Variants in PCDHA8 observed in about 807,000 individuals in gnomAD.
The protein encoded by PCDHA8 is protocadherin alpha-8.
Under a neutral mutation model 61.8 loss-of-function variants are expected in PCDHA8, and 53 were observed. The observed-to-expected ratio is 0.86, with a 90% CI of 0.69 to 1.08. The LOEUF is 1.08. Among genes scored for constraint, PCDHA8 ranks in the 50% least tolerant of loss-of-function variants. PCDHA8 has a pLI of 0.00. For missense variants in PCDHA8, 1,293 were observed against 1,245.0 expected, an observed-to-expected ratio of 1.04 and a Z score of -0.58; for synonymous variants, 618 against 556.6, an observed-to-expected ratio of 1.11 and a Z score of -1.55.
At position 141,011,939 on chromosome 5, in the gene PCDHA8, A is replaced by T. The variant is rs955936849; in HGVS notation, c.*2002A>T. 5 of 153,690 alleles carry T rather than the reference A, an allele frequency of 3.3e-5. No individual in the cohort carries two copies. The highest frequency in any genetic ancestry group is 1.2e-4 in the African/African-American group (5 of 41,448). The allele number at this position is 153,690 out of a possible 1,614,324, so 9.5% of individuals were successfully genotyped here. A position where few individuals can be genotyped will look rare whatever the true frequency, so the allele number is the denominator to read the frequency against. On this transcript the variant is annotated 3_prime_UTR_variant, in exon 4 of 4. Coordinates refer to ENST00000531613, the MANE Select transcript of PCDHA8 (RefSeq NM_018911.3). ...TAAAAGAGGTAGGAGTCTGTTATTT[A>T]AAAAAAGCATTAAATTTAAAAAAAA...
intron 1 of PCDHA8, among the ~76,000 whole-genome samples, chr5:140,891,388 C>A (rs2063075244): frequency 6.6e-6 from 1 of 151,946 alleles, no homozygotes; most frequent in South Asian, 2.1e-4. Flanking sequence ...TATTTGCAAT[C>A]TTTTATCCCT....
chr5:140,852,573 G>A, intron 1 of PCDHA8: 2 of 794,360 alleles, frequency 2.5e-6, no homozygotes, highest in Non-Finnish European at 3.1e-6. Flanking sequence ...ACTGTGCCAA[G>A]GCTTTTTTAT....
intron 1 of PCDHA8, among the ~76,000 whole-genome samples, chr5:140,881,897 C>T (rs2058860141): frequency 6.6e-6 from 1 of 152,146 alleles, no homozygotes; most frequent in African/African-American, 2.4e-5. Context: ...CAATTGTCAG[C>T]TAATATAAAA....
At chr5:140,876,819 C>T in intron 1 of PCDHA8, 1 of 1,614,180 alleles carries the variant, frequency 6.2e-7, no homozygotes, top group Admixed American at 1.7e-5. Flanking sequence ...CCGACGTGAA[C>T]GACAATGCGC....
chr5:140,871,032 C>G (rs1554165004), intron 1 of PCDHA8: 1 of 1,613,304 alleles, frequency 6.2e-7, no homozygotes. Flanking sequence ...ACTCGCCGCG[C>G]CACCGACTTC....
intron 1 of PCDHA8, among the ~76,000 whole-genome samples, chr5:140,978,440 T>G (rs1238163577): frequency 2.0e-5 from 3 of 152,244 alleles, no homozygotes; most frequent in African/African-American, 7.2e-5. Context: ...GCTGGTGTTA[T>G]GACTGGGCAC....
intron 1 of PCDHA8, among the ~76,000 whole-genome samples, chr5:140,897,495 A>G (rs1208374175): frequency 1.2e-4 from 19 of 152,006 alleles, no homozygotes; most frequent in Admixed American, 9.8e-4. Flanking sequence ...AATTTCAACC[A>G]TGTCCCTACA....
At chr5:140,990,227 A>G (rs1424384055) in intron 3 of PCDHA8, among the ~76,000 whole-genome samples, 1 of 152,134 alleles carries the variant, frequency 6.6e-6, no homozygotes, top group Non-Finnish European at 1.5e-5. Flanking sequence ...GTTTATTGTA[A>G]CTAGCGTTGT....
chr5:140,850,670 G>A, intron 1 of PCDHA8: 1 of 1,598,618 alleles, frequency 6.3e-7, no homozygotes, highest in Non-Finnish European at 8.6e-7. Context: ...GGTGCTCGGC[G>A]ATGCCCACCG....
chr5:140,919,607 A>T (rs1357882512), intron 1 of PCDHA8, among the ~76,000 whole-genome samples: 1 of 152,158 alleles, frequency 6.6e-6, no homozygotes. Context: ...ATAAATTTTA[A>T]ACTGTATCTT....
chr5:140,927,814 G>GCATA (rs1554205103), intron 1 of PCDHA8: 1 of 1,614,172 alleles, frequency 6.2e-7, no homozygotes, highest in Non-Finnish European at 8.5e-7. Context: ...GCTCTTGGAG[G>GCATA]CATACATTGA....
At chr5:140,919,614 T>C (rs1186816141) in intron 1 of PCDHA8, among the ~76,000 whole-genome samples, 1 of 152,212 alleles carries the variant, frequency 6.6e-6, no homozygotes, top group Non-Finnish European at 1.5e-5. Flanking sequence ...TTAAACTGTA[T>C]CTTTTGAGTT....
intron 3 of PCDHA8, among the ~76,000 whole-genome samples, chr5:140,985,544 G>T (rs1426303468): frequency 6.6e-6 from 1 of 152,108 alleles, no homozygotes; most frequent in Non-Finnish European, 1.5e-5. Flanking sequence ...TGAAGATGCA[G>T]TTGCTTCCAA....
chr5:140,909,684 GT>G (rs2074636344), intron 1 of PCDHA8, among the ~76,000 whole-genome samples: 1 of 152,220 alleles, frequency 6.6e-6, no homozygotes, highest in Non-Finnish European at 1.5e-5. Context: ...GGGAGCCAAT[GT>G]GGGGGTTCTG....
Position 140,843,518 on chromosome 5 carries a change from C to G in PCDHA8, c.2197C>G (p.Arg733Gly), listed in dbSNP as rs2150361647. Residue 733 changes from arginine to glycine, a missense_variant, in exon 1 of 4, where the codon CGG becomes GGG. Transcript: ENST00000531613. ...AGCACTGCCCACTGAGGGCGGGTGC[C>G]GGGCGGGCAAGCCCACTCTGGTGTG... ...CSALPTEGGC[R>G]AGKPTLVCSS... 99 of 1,595,534 alleles carry G rather than the reference C, an allele frequency of 6.2e-5. 6 individuals are homozygous for G. The highest frequency in any genetic ancestry group is 1.7e-4 in the Middle Eastern group (1 of 5,992).
chr5:141,002,918 GAACACCCTCC>G (rs1554258833), intron 3 of PCDHA8, among the ~76,000 whole-genome samples: 1 of 152,192 alleles, frequency 6.6e-6, no homozygotes, highest in Non-Finnish European at 1.5e-5. Flanking sequence ...TCAGAAAAGT[GAACACCCTCC>G]AACACCCTCC....
chr5:140,870,695 A>C, intron 1 of PCDHA8: 1 of 1,613,024 alleles, frequency 6.2e-7, no homozygotes, highest in East Asian at 2.2e-5. Context: ...GAGCTGCTAC[A>C]GTTCCAGGTG....
At chr5:140,897,682 A>G (rs1397590916) in intron 1 of PCDHA8, among the ~76,000 whole-genome samples, 3 of 152,186 alleles carry the variant, frequency 2.0e-5, no homozygotes, top group Non-Finnish European at 4.4e-5. Flanking sequence ...AGCATGATTT[A>G]TAGTCCTTTG....
chr5:140,995,184 T>G (rs1382886542), intron 3 of PCDHA8, among the ~76,000 whole-genome samples: 3 of 152,168 alleles, frequency 2.0e-5, no homozygotes, highest in African/African-American at 7.2e-5. Flanking sequence ...GCACCTATGA[T>G]AAAGTTTAAT....
Sources: gnomAD v4.1 joint callset for allele counts (sites outside exome capture counted in the v4.1 genomes callset) on GRCh38, gnomAD v4.1.1 for gene constraint, MANE v1.5 for transcripts, NCBI Gene and HGNC (gene_info 2026-07-23, HGNC 2026-07-21) for gene names.